SLC8A1: variants seen among roughly 807,000 people sequenced by gnomAD.
SLC8A1 encodes the protein solute carrier family 8 member A1.
A neutral mutation model predicts 68.3 loss-of-function variants in SLC8A1; 18 were observed. The observed-to-expected ratio is 0.26, with a 90% CI of 0.18 to 0.39. The LOEUF is 0.39. Among genes scored for constraint, SLC8A1 ranks in the 10% least tolerant of loss-of-function variants. The pLI, the probability that SLC8A1 is intolerant of heterozygous loss-of-function variation, is 1.00. For missense variants in SLC8A1, 985 were observed against 1,156.7 expected (o/e 0.85, Z 2.15); for synonymous variants, 475 against 415.5 (o/e 1.14, Z -1.74).
At chr2:40,150,214 G>GT (rs2043168291) in intron 6 of SLC8A1, among the ~76,000 whole-genome samples, 1 of 152,146 alleles carries the variant, frequency 6.6e-6, no homozygotes, top group Non-Finnish European at 1.5e-5. Context: ...GCGGTGGGAT[G>GT]TATGTGCCAA....
intron 2 of SLC8A1, among the ~76,000 whole-genome samples, chr2:40,214,567 G>A (rs923321917): frequency 6.6e-6 from 1 of 151,162 alleles, no homozygotes; most frequent in Non-Finnish European, 1.5e-5. Flanking sequence ...TCCGCCTCCC[G>A]AGTAGCTGGG....
intron 1 of SLC8A1, among the ~76,000 whole-genome samples, chr2:40,494,091 T>C (rs1210976495): frequency 6.6e-6 from 1 of 151,966 alleles, no homozygotes; most frequent in Non-Finnish European, 1.5e-5. Flanking sequence ...CAATAAAATA[T>C]TTGAATCATT....
intron 1 of SLC8A1, among the ~76,000 whole-genome samples, chr2:40,473,992 G>A (rs570273093): frequency 7.2e-5 from 11 of 152,052 alleles, no homozygotes; most frequent in African/African-American, 1.2e-4. Context: ...TCCACAAATC[G>A]TAGTCATAGT....
At chr2:40,351,690 T>C (rs1263732343) in intron 2 of SLC8A1, among the ~76,000 whole-genome samples, 1 of 152,108 alleles carries the variant, frequency 6.6e-6, no homozygotes, top group Non-Finnish European at 1.5e-5. Context: ...TCTGCCCCTT[T>C]CTAAATAAAT....
At chr2:40,354,236 T>A (rs963585075) in intron 2 of SLC8A1, among the ~76,000 whole-genome samples, 30 of 152,314 alleles carry the variant, frequency 2.0e-4, no homozygotes, top group African/African-American at 7.2e-4. Flanking sequence ...TTTAATCTCA[T>A]GAAAGAGAAA....
intron 7 of SLC8A1, among the ~76,000 whole-genome samples, chr2:40,135,148 G>C (rs1343746169): frequency 6.6e-6 from 1 of 152,214 alleles, no homozygotes; most frequent in East Asian, 1.9e-4. Context: ...GAAGAGAACA[G>C]ACTGGAAAGA....
chr2:40,330,627 T>G (rs1191927895), intron 2 of SLC8A1, among the ~76,000 whole-genome samples: 1 of 152,158 alleles, frequency 6.6e-6, no homozygotes, highest in Non-Finnish European at 1.5e-5. Flanking sequence ...TAAAGAGAGG[T>G]AATTGTCTAT....
intron 7 of SLC8A1, among the ~76,000 whole-genome samples, chr2:40,116,087 A>G (rs1572714040): frequency 2.0e-5 from 3 of 152,186 alleles, no homozygotes; most frequent in African/African-American, 7.2e-5. Context: ...AAGTTTCGGA[A>G]CAGCTGCTGG....
exon 8 of SLC8A1, chr2:40,108,380 C>G (rs1223638040): frequency 6.6e-6 from 1 of 152,128 alleles, no homozygotes; most frequent in African/African-American, 2.4e-5. Flanking sequence ...ACTGTTGTTT[C>G]TGGAAACTGG....
intron 7 of SLC8A1, among the ~76,000 whole-genome samples, chr2:40,117,319 C>T (rs1037631415): frequency 8.8e-5 from 12 of 136,938 alleles, no homozygotes; most frequent in African/African-American, 2.7e-4. Flanking sequence ...CCGAGATGGG[C>T]GGATCACTTG....
chr2:40,371,552 A>G (rs1232596509), intron 2 of SLC8A1, among the ~76,000 whole-genome samples: 2 of 152,128 alleles, frequency 1.3e-5, no homozygotes, highest in Non-Finnish European at 2.9e-5. Context: ...GGTTTTTGTG[A>G]GGACCGAATA....
At chr2:40,347,812 G>T (rs1459761263) in intron 2 of SLC8A1, among the ~76,000 whole-genome samples, 1 of 152,136 alleles carries the variant, frequency 6.6e-6, no homozygotes, top group Non-Finnish European at 1.5e-5. Context: ...TTTAAAGCAA[G>T]ATTTCTCTAA....
At chr2:40,422,310 TATG>T (rs1695736451) in intron 2 of SLC8A1, among the ~76,000 whole-genome samples, 1 of 152,098 alleles carries the variant, frequency 6.6e-6, no homozygotes, top group South Asian at 2.1e-4. Flanking sequence ...ATGGAGGAAA[TATG>T]ATGAAGATAT....
intron 6 of SLC8A1, among the ~76,000 whole-genome samples, chr2:40,144,895 A>G (rs200306969): frequency 2.0e-5 from 3 of 152,164 alleles, no homozygotes; most frequent in Admixed American, 6.5e-5. Flanking sequence ...ATTAACATCT[A>G]TCATCTCATC....
intron 2 of SLC8A1, 25 bp downstream of exon 3, chr2:40,178,362 C>G: frequency 1.3e-6 from 2 of 1,589,260 alleles, no homozygotes; most frequent in Non-Finnish European, 1.7e-6. Flanking sequence ...AGCTGTTGGG[C>G]TCAGCCCTGG....
chr2:40,371,387 G>C (rs1367017081), intron 2 of SLC8A1, among the ~76,000 whole-genome samples: 1 of 152,066 alleles, frequency 6.6e-6, no homozygotes, highest in Non-Finnish European at 1.5e-5. Flanking sequence ...GCCAGGGGCA[G>C]TCCTGTTGAC....
chr2:40,315,487 G>A (rs2074320540), intron 2 of SLC8A1, among the ~76,000 whole-genome samples: 1 of 135,370 alleles, frequency 7.4e-6, no homozygotes, highest in African/African-American at 2.7e-5. Context: ...TGTTACAACT[G>A]CTTTTGTATC....
intron 2 of SLC8A1, among the ~76,000 whole-genome samples, chr2:40,197,812 A>AGGTAG: frequency 6.6e-6 from 1 of 152,104 alleles, no homozygotes; most frequent in Non-Finnish European, 1.5e-5. Context: ...GTGAGGTTCA[A>AGGTAG]GATAGGATCT....
At chr2:40,400,601 G>A (rs1688425010) in intron 2 of SLC8A1, among the ~76,000 whole-genome samples, 1 of 152,256 alleles carries the variant, frequency 6.6e-6, no homozygotes, top group South Asian at 2.1e-4. Context: ...AGGAGAAGCA[G>A]GCAGACAGGG....
Sources: allele counts gnomAD v4.1 joint callset (sites outside exome capture counted in the v4.1 genomes callset), GRCh38; gene constraint gnomAD v4.1.1; transcripts MANE v1.5; gene names NCBI Gene and HGNC (gene_info 2026-07-23, HGNC 2026-07-21).